Variants in GPRIN3 observed in about 807,000 individuals in gnomAD.
The protein encoded by GPRIN3 is GPRIN family member 3, also known as G protein-regulated inducer of neurite outgrowth 3.
In GPRIN3, 12 loss-of-function variants were observed where a neutral mutation model predicts 13.7. That is an observed-to-expected ratio of 0.87 (90% CI 0.56 to 1.42). The LOEUF is 1.42. Among genes scored for constraint, GPRIN3 ranks in the 40% most tolerant of loss-of-function variants. GPRIN3 has a pLI of 0.00. For missense variants in GPRIN3, 1,009 were observed against 958.7 expected, an observed-to-expected ratio of 1.05 and a Z score of -0.69; for synonymous variants, 377 against 372.7, an observed-to-expected ratio of 1.01 and a Z score of -0.13.
chr4:89,258,153 C>T (rs1336030992), intron 1 of GPRIN3, among the ~76,000 whole-genome samples: 1 of 151,482 alleles, frequency 6.6e-6, no homozygotes, highest in African/African-American at 2.4e-5. Flanking sequence ...AAGCATATAA[C>T]TGTATTTAAC....
chr4:89,240,536 C>T lies in GPRIN3; in HGVS notation c.*7244G>A, dbSNP rs1000978112. 2.0e-5 allele frequency: 3 copies of T among 152,086 alleles called. No individual in the cohort carries two copies. The highest frequency in any genetic ancestry group is 7.2e-5 in the African/African-American group (3 of 41,406). The allele number at this position is 152,086 out of a possible 1,614,324, so 9.4% of individuals were successfully genotyped here. On this transcript the variant is annotated 3_prime_UTR_variant, in exon 2 of 2. Coordinates refer to ENST00000609438, the MANE Select transcript of GPRIN3 (RefSeq NM_198281.3). ...TGCAAATCAACACACTGATACATGT[C>T]CAAAAGGAGTCTCCAAAACATAATC... is the stretch of plus-strand genomic sequence containing the variant.
intron 1 of GPRIN3, among the ~76,000 whole-genome samples, chr4:89,281,782 A>G (rs776154293): frequency 9.2e-5 from 14 of 152,174 alleles, no homozygotes; most frequent in Non-Finnish European, 1.6e-4. Flanking sequence ...GGAAACTAAA[A>G]TACCCTCTCT....
In GPRIN3 at chr4:89,296,264, GA is replaced by G. The variant is rs554376193; in HGVS notation, c.-124+11350del. 9.1e-3 allele frequency among the ~76,000 whole-genome samples: 1,379 copies of G among 151,024 alleles called. 24 individuals are homozygous for G. The highest frequency in any genetic ancestry group is 0.031 in the African/African-American group (1,258 of 41,160). On this transcript the variant is annotated intron_variant, in intron 1 of 1. Coordinates refer to ENST00000609438, the MANE Select transcript of GPRIN3 (RefSeq NM_198281.3). ...GATTTCTGTCCATTTTCTTTTACTA[GA>G]AAAAAAAATCAATTGCTAATTAAGG...
chr4:89,257,622 G>A (rs982346797), intron 1 of GPRIN3, among the ~76,000 whole-genome samples: 5 of 152,180 alleles, frequency 3.3e-5, no homozygotes, highest in African/African-American at 1.2e-4. Context: ...TGTGCAGACC[G>A]AATTTAAATC....
intron 1 of GPRIN3, among the ~76,000 whole-genome samples, chr4:89,286,181 T>C (rs1724409444): frequency 6.6e-6 from 1 of 152,012 alleles, no homozygotes; most frequent in African/African-American, 2.4e-5. Context: ...AGTTGTGATA[T>C]TCTCTGACTG....
chr4:89,253,055 C>T (rs1359101900), intron 1 of GPRIN3, among the ~76,000 whole-genome samples: 1 of 149,836 alleles, frequency 6.7e-6, no homozygotes, highest in African/African-American at 2.4e-5. Context: ...GTTGGTTGGT[C>T]GTCTGTGTCC....
rs143659280 is a variant in GPRIN3, at chr4:89,249,136, C to T, written c.975G>A (p.Val325=). 31 of 1,614,098 alleles carry T rather than the reference C, an allele frequency of 1.9e-5. No individual in the cohort carries two copies. Among genetic ancestry groups the T allele is most frequent in the Middle Eastern group, 3.3e-4 (2 of 6,084 alleles). The change falls in exon 2 of 2, where the codon GTG becomes GTA. Residue 325 remains valine, a synonymous_variant. Coordinates refer to ENST00000609438, the MANE Select transcript of GPRIN3 (RefSeq NM_198281.3). ...RAWQDAEVQA[V]ASVESRSVST... is the part of the protein sequence containing the mutation. ...AGACGGATCTGCTCTCGACACTCGC[C>T]ACTGCCTGCACCTCCGCATCTTGCC...
At chr4:89,289,069 C>CTT (rs1464604022) in intron 1 of GPRIN3, among the ~76,000 whole-genome samples, 1 of 151,414 alleles carries the variant, frequency 6.6e-6, no homozygotes, top group Non-Finnish European at 1.5e-5. Context: ...CTAATTCGTT[C>CTT]TTTGACCCGA....
chr4:89,266,017 A>G (rs2149267621), intron 1 of GPRIN3, among the ~76,000 whole-genome samples: 1 of 152,326 alleles, frequency 6.6e-6, no homozygotes, highest in South Asian at 2.1e-4. Context: ...TTGTGTATTT[A>G]ATGTCAAAGA....
In GPRIN3 at chr4:89,298,866, T is replaced by C. The variant is rs1023739973; in HGVS notation, c.-124+8749A>G. Among the ~76,000 whole-genome samples the C allele has an allele frequency of 3.3e-5, 5 of 152,048 alleles. No homozygotes were observed. The Middle Eastern group carries it at 0.01, about 310-fold the overall frequency. On this transcript the variant is annotated intron_variant, in intron 1 of 1. Coordinates refer to ENST00000609438, the MANE Select transcript of GPRIN3 (RefSeq NM_198281.3). ...GTAGAAGGAGCTGACATGCTCTCAATCCAGTCCAGCTCAGGTTATTAACTT... is the reference window on the plus strand; with the variant it reads ...GTAGAAGGAGCTGACATGCTCTCAACCCAGTCCAGCTCAGGTTATTAACTT...
intron 1 of GPRIN3, among the ~76,000 whole-genome samples, chr4:89,253,380 C>T (rs1723383465): frequency 6.6e-6 from 1 of 152,130 alleles, no homozygotes; most frequent in Non-Finnish European, 1.5e-5. Flanking sequence ...TGTTATCTTA[C>T]TTATTAAACT....
chr4:89,255,648 A>G (rs1184856829), intron 1 of GPRIN3, among the ~76,000 whole-genome samples: 1 of 152,158 alleles, frequency 6.6e-6, no homozygotes, highest in East Asian at 1.9e-4. Flanking sequence ...TTGCTAAACC[A>G]CTTAACAAAT....
chr4:89,280,597 T>C (rs1724218936), intron 1 of GPRIN3, among the ~76,000 whole-genome samples: 1 of 152,234 alleles, frequency 6.6e-6, no homozygotes. Context: ...TGTTGGACAC[T>C]GTCCCCTAAA....
chr4:89,306,306 A>G (rs1165800047), intron 1 of GPRIN3, among the ~76,000 whole-genome samples: 1 of 152,210 alleles, frequency 6.6e-6, no homozygotes, highest in East Asian at 1.9e-4. Context: ...TAACTGGAAA[A>G]TAAGCACATT....
Position 89,237,365 on chromosome 4 carries a change from T to C in GPRIN3, c.*10415A>G, listed in dbSNP as rs893198133. The C allele has an allele frequency of 6.6e-6, 1 of 152,156 alleles. No homozygotes were observed. The highest frequency in any genetic ancestry group is 1.5e-5 in the Non-Finnish European group (1 of 68,022). 9.4% of individuals were successfully genotyped at this position (152,156 alleles called of 1,614,324 possible). On this transcript the variant is annotated 3_prime_UTR_variant, in exon 2 of 2. Transcript: ENST00000609438. Reference sequence around the variant, plus strand: ...TTCATTAAGAATGTGTATGCCATGGTCTAAATGTCTGTATCCCTCCAAAAC... The same window carrying C: ...TTCATTAAGAATGTGTATGCCATGGCCTAAATGTCTGTATCCCTCCAAAAC...
chr4:89,270,580 TA>T (rs1355857583), intron 1 of GPRIN3, among the ~76,000 whole-genome samples: 1,847 of 103,058 alleles, frequency 0.018, 53 homozygotes, highest in African/African-American at 0.08. Flanking sequence ...TATATATATA[TA>T]TATATATATA....
chr4:89,272,659 A>G (rs1723990279), intron 1 of GPRIN3, among the ~76,000 whole-genome samples: 1 of 152,154 alleles, frequency 6.6e-6, no homozygotes, highest in African/African-American at 2.4e-5. Flanking sequence ...TTCTCTGTGA[A>G]TCAGCTACAC....
intron 1 of GPRIN3, among the ~76,000 whole-genome samples, chr4:89,275,136 C>CTG (rs56091424): frequency 0.019 from 2,796 of 149,240 alleles, 40 homozygotes; most frequent in Middle Eastern, 0.049. Flanking sequence ...CTAAGTAACT[C>CTG]TGTGTGTGTG....
chr4:89,285,351 TA>T (rs5860164), intron 1 of GPRIN3, among the ~76,000 whole-genome samples: 1 of 150,734 alleles, frequency 6.6e-6, no homozygotes, highest in African/African-American at 2.4e-5. Context: ...GTATAATAAT[TA>T]AAAAAAAAGA....
Sources: gnomAD v4.1 joint callset for allele counts (sites outside exome capture counted in the v4.1 genomes callset) on GRCh38, gnomAD v4.1.1 for gene constraint, MANE v1.5 for transcripts, NCBI Gene and HGNC (gene_info 2026-07-23, HGNC 2026-07-21) for gene names.